Variants in TC2N observed in about 807,000 individuals in gnomAD.
TC2N encodes the protein tandem C2 domains, nuclear, also known as tandem C2 domains nuclear protein.
In TC2N, 51 loss-of-function variants were observed where a neutral mutation model predicts 61.9. That is an observed-to-expected ratio of 0.82 (90% CI 0.66 to 1.04). The LOEUF is 1.04. Among genes scored for constraint, TC2N ranks in the 50% least tolerant of loss-of-function variants. The pLI is 0.00. For synonymous variants in TC2N, 204 were observed against 192.6 expected, an observed-to-expected ratio of 1.06 and a Z score of -0.49; for missense variants, 556 against 566.7, an observed-to-expected ratio of 0.98 and a Z score of 0.19.
intron 9 of TC2N, among the ~76,000 whole-genome samples, chr14:91,789,371 C>T (rs1001429782): frequency 4.6e-5 from 7 of 150,766 alleles, no homozygotes; most frequent in South Asian, 2.1e-4. Flanking sequence ...CCGAGGCAGG[C>T]GGATCACGAG....
intron 1 of TC2N, chr14:91,836,339 T>G (rs1319576467): frequency 6.6e-6 from 1 of 151,932 alleles, no homozygotes; most frequent in Admixed American, 6.5e-5. Flanking sequence ...ACGCCCGCGC[T>G]GGGCCGGCGC....
At chr14:91,804,918 T>C (rs1886436175) in intron 3 of TC2N, among the ~76,000 whole-genome samples, 1 of 152,216 alleles carries the variant, frequency 6.6e-6, no homozygotes, top group Admixed American at 6.5e-5. Context: ...CTGAGCTGTA[T>C]GTTTCTGTTT....
chr14:91,810,180 A>T (rs1452978580), intron 3 of TC2N, among the ~76,000 whole-genome samples: 1 of 152,154 alleles, frequency 6.6e-6, no homozygotes, highest in African/African-American at 2.4e-5. Context: ...TTAAACAACC[A>T]GATCTCACAG....
chr14:91,803,380 TACACACACAC>T (rs57274606), intron 3 of TC2N, among the ~76,000 whole-genome samples: 4 of 145,460 alleles, frequency 2.7e-5, no homozygotes, highest in Non-Finnish European at 6.0e-5. Context: ...CATACATATA[TACACACACAC>T]ACACACACAC....
At chr14:91,849,919 T>C (rs912344194) in intron 1 of TC2N, among the ~76,000 whole-genome samples, 1 of 151,868 alleles carries the variant, frequency 6.6e-6, no homozygotes, top group Non-Finnish European at 1.5e-5. Context: ...CGTGGTGGCA[T>C]GCGACTGTAA....
chr14:91,793,511 C>T (rs1434925580), intron 8 of TC2N, among the ~76,000 whole-genome samples: 2 of 152,166 alleles, frequency 1.3e-5, no homozygotes, highest in African/African-American at 4.8e-5. Context: ...GTTTTTCCAC[C>T]AGCATGTGCT....
Position 91,837,243 on chromosome 14 carries a change from A to C in TC2N, c.-56-23418T>G, listed in dbSNP as rs1888060138. On this transcript the variant is annotated intron_variant, in intron 1 of 11. Transcript: ENST00000435962. The surrounding 1 kb of genome is among the most constrained non-coding windows in gnomAD (Gnocchi z 4.2). Reference sequence around the variant, plus strand: ...CATTTTTTGTTTGTTTTGTTTTGACAGAGGTTCTGTCGCCCAGGCTGGAGT... The same window carrying C: ...CATTTTTTGTTTGTTTTGTTTTGACCGAGGTTCTGTCGCCCAGGCTGGAGT... Among the ~76,000 whole-genome samples the C allele has an allele frequency of 6.6e-6, 1 of 152,186 alleles. No homozygotes were observed. Among genetic ancestry groups the C allele is most frequent in the Non-Finnish European group, 1.5e-5 (1 of 68,038 alleles).
intron 3 of TC2N, among the ~76,000 whole-genome samples, chr14:91,803,412 T>TACACACAC (rs755502068): frequency 7.6e-4 from 63 of 83,014 alleles, no homozygotes; most frequent in African/African-American, 2.0e-3. Flanking sequence ...CGTACATACA[T>TACACACAC]ACACACACAC....
chr14:91,787,663 A>C (rs756889448), intron 9 of TC2N, 36 bp from the exon 10 acceptor site: 4 of 1,291,132 alleles, frequency 3.1e-6, no homozygotes, highest in Non-Finnish European at 4.4e-6. Context: ...GTAGTTAAGA[A>C]TAAAGTTTTT....
At chr14:91,845,087 G>C (rs2139913099) in intron 1 of TC2N, among the ~76,000 whole-genome samples, 1 of 152,046 alleles carries the variant, frequency 6.6e-6, no homozygotes, top group East Asian at 1.9e-4. Flanking sequence ...AATTAGCCGG[G>C]TGACGTGGCG....
intron 1 of TC2N, among the ~76,000 whole-genome samples, chr14:91,848,859 T>C (rs926897124): frequency 6.6e-6 from 1 of 152,210 alleles, no homozygotes; most frequent in Non-Finnish European, 1.5e-5. Context: ...TTCATAGTCA[T>C]CATCTCCCCA....
intron 1 of TC2N, among the ~76,000 whole-genome samples, chr14:91,846,122 C>T (rs1268778671): frequency 2.0e-5 from 3 of 152,028 alleles, no homozygotes; most frequent in African/African-American, 7.3e-5. Context: ...AACAGATAGA[C>T]GCTCAGCTTT....
intron 9 of TC2N, among the ~76,000 whole-genome samples, chr14:91,790,920 TGAG>T (rs1333004008): frequency 3.3e-5 from 5 of 151,882 alleles, no homozygotes; most frequent in Admixed American, 6.6e-5. Context: ...CTGTTTGAAC[TGAG>T]GAGTTTGATA....
chr14:91,858,855 T>A (rs1888536112), intron 1 of TC2N, among the ~76,000 whole-genome samples: 1 of 152,114 alleles, frequency 6.6e-6, no homozygotes, highest in Admixed American at 6.6e-5. Flanking sequence ...CTACACATGT[T>A]CCCAATTAAC....
intron 1 of TC2N, among the ~76,000 whole-genome samples, chr14:91,817,470 T>C (rs1887058123): frequency 6.6e-6 from 1 of 152,056 alleles, no homozygotes. Flanking sequence ...TGAGATCTTG[T>C]TCTGTCTCCC....
intron 1 of TC2N, among the ~76,000 whole-genome samples, chr14:91,857,373 G>A (rs538246453): frequency 1.3e-5 from 2 of 152,280 alleles, no homozygotes; most frequent in South Asian, 4.2e-4. Flanking sequence ...AGGGAATGCC[G>A]AAGTGGGGCC....
rs557544349 is a variant in TC2N at position 91,867,444 on chromosome 14, A to G, written c.-239T>C. 7 of 152,152 alleles carry G rather than the reference A, an allele frequency of 4.6e-5. No homozygotes were observed. Among genetic ancestry groups the G allele is most frequent in the Admixed American group, 3.9e-4 (6 of 15,278 alleles). 9.4% of individuals were successfully genotyped at this position (152,152 alleles called of 1,614,324 possible). ...TTCGGAGCCGAGCTGAGTGAGTCCC[A>G]AGGGAATCACCCTCTGTTTTATAAG... On this transcript the variant is annotated 5_prime_UTR_variant, in exon 1 of 12. Transcript: ENST00000435962.
chr14:91,784,123 T>C (rs1246320138), intron 11 of TC2N, among the ~76,000 whole-genome samples: 3 of 152,098 alleles, frequency 2.0e-5, no homozygotes, highest in African/African-American at 7.2e-5. Context: ...AGCAAGAACC[T>C]TTCCAGAATT....
chr14:91,788,274 T>G (rs1167942734), intron 9 of TC2N, among the ~76,000 whole-genome samples: 1 of 152,182 alleles, frequency 6.6e-6, no homozygotes, highest in Non-Finnish European at 1.5e-5. Flanking sequence ...AATTAAAATG[T>G]GTTCTTCAGT....
Sources: gnomAD v4.1 joint callset for allele counts (sites outside exome capture counted in the v4.1 genomes callset) on GRCh38, gnomAD v4.1.1 for gene constraint, Gnocchi (gnomAD v3.1) non-coding constraint, MANE v1.5 for transcripts, NCBI Gene and HGNC (gene_info 2026-07-23, HGNC 2026-07-21) for gene names.